PTPRK: variants seen among roughly 807,000 people sequenced by gnomAD.
PTPRK encodes the protein protein tyrosine phosphatase receptor type K, also known as receptor-type tyrosine-protein phosphatase kappa.
A neutral mutation model predicts 178.0 loss-of-function variants in PTPRK; 75 were observed. The ratio of observed to expected loss-of-function variants is 0.42; its 90% confidence interval spans 0.35 to 0.51. PTPRK has a LOEUF of 0.51. Among genes scored for constraint, PTPRK ranks in the 20% least tolerant of loss-of-function variants. The probability of loss-of-function intolerance (pLI) is 0.02; values close to 1 mark genes in which losing one functional copy is unlikely to be tolerated. For missense variants in PTPRK, 1,441 were observed against 1,797.8 expected (o/e 0.80, Z 3.59); for synonymous variants, 637 against 620.6 (o/e 1.03, Z -0.39).
chr6:128,197,266 C>T (rs536184015), intron 6 of PTPRK, among the ~76,000 whole-genome samples: 2 of 146,470 alleles, frequency 1.4e-5, no homozygotes, highest in Non-Finnish European at 3.0e-5. Flanking sequence ...CATAGGTATA[C>T]ATGTGCCACG....
Position 128,515,733 on chromosome 6 carries a change from TTTTGTC to T in PTPRK, c.100+4520_100+4525del, listed in dbSNP as rs796556433. Among the ~76,000 whole-genome samples, 4 of 152,274 alleles carry T rather than the reference TTTTGTC, an allele frequency of 2.6e-5. No individual in the cohort carries two copies. The South Asian group carries it at 8.3e-4, about 32-fold the overall frequency. ...ACACACAGAATCCCTGTGTTCTTTG[TTTTGTC>T]TTTAAGAACAATCTGTAAACTTTCT... On this transcript the variant is annotated intron_variant, in intron 1 of 29. Transcript: ENST00000368226.
At chr6:128,377,721 G>GA (rs1334447106) in intron 2 of PTPRK, among the ~76,000 whole-genome samples, 81 of 144,842 alleles carry the variant, frequency 5.6e-4, no homozygotes, top group Middle Eastern at 7.1e-3. Flanking sequence ...AAAAAAAAAA[G>GA]AAAAAAAACC....
chr6:128,449,462 G>T (rs1251124472), intron 1 of PTPRK, among the ~76,000 whole-genome samples: 1 of 151,892 alleles, frequency 6.6e-6, no homozygotes, highest in African/African-American at 2.4e-5. Context: ...TTTTTCCAGG[G>T]CTCTACCTCA....
At chr6:128,141,244 A>G (rs540929292) in intron 7 of PTPRK, among the ~76,000 whole-genome samples, 3 of 152,088 alleles carry the variant, frequency 2.0e-5, no homozygotes, top group Admixed American at 6.6e-5. Flanking sequence ...ATTCTGCTAT[A>G]GTAATACAAA....
intron 1 of PTPRK, among the ~76,000 whole-genome samples, chr6:128,483,053 A>G (rs1005112826): frequency 1.1e-4 from 17 of 152,184 alleles, no homozygotes; most frequent in Non-Finnish European, 2.1e-4. Context: ...TGTCTCTTAA[A>G]TATTTAGACA....
intron 1 of PTPRK, among the ~76,000 whole-genome samples, chr6:128,457,640 T>C (rs572007106): frequency 6.6e-6 from 1 of 152,260 alleles, no homozygotes; most frequent in South Asian, 2.1e-4. Flanking sequence ...CTTTTCTGCA[T>C]CCTCCACAAT....
chr6:128,326,187 A>G (rs1353744031), intron 2 of PTPRK, among the ~76,000 whole-genome samples: 1 of 152,112 alleles, frequency 6.6e-6, no homozygotes, highest in Non-Finnish European at 1.5e-5. Flanking sequence ...GAGGGAGAGC[A>G]TAAGGAGAAA....
At chr6:128,370,441 A>G (rs900408483) in intron 2 of PTPRK, among the ~76,000 whole-genome samples, 1 of 152,144 alleles carries the variant, frequency 6.6e-6, no homozygotes, top group Non-Finnish European at 1.5e-5. Context: ...CCTAAATAAA[A>G]TATTTCTCCT....
intron 3 of PTPRK, chr6:128,321,132 A>T (rs1828727459): frequency 6.6e-6 from 1 of 152,202 alleles, no homozygotes; most frequent in Non-Finnish European, 1.5e-5. Context: ...GGCAGAAATA[A>T]AACTATTAGT....
chr6:128,454,164 T>C (rs1328323890), intron 1 of PTPRK, among the ~76,000 whole-genome samples: 3 of 152,156 alleles, frequency 2.0e-5, no homozygotes, highest in African/African-American at 7.2e-5. Context: ...ACAGCTTCTA[T>C]GAACCACAAA....
chr6:128,495,326 T>G (rs563919045), intron 1 of PTPRK, among the ~76,000 whole-genome samples: 1 of 152,320 alleles, frequency 6.6e-6, no homozygotes, highest in East Asian at 1.9e-4. Flanking sequence ...CTTTAAATCT[T>G]AATAAGAGAC....
chr6:128,033,653 C>A (rs1775721325), intron 13 of PTPRK, among the ~76,000 whole-genome samples: 1 of 152,098 alleles, frequency 6.6e-6, no homozygotes. Flanking sequence ...GAGAGGATTG[C>A]TTGAGCCCAG....
intron 3 of PTPRK, among the ~76,000 whole-genome samples, chr6:128,294,411 A>T (rs935721067): frequency 6.6e-6 from 1 of 152,024 alleles, no homozygotes; most frequent in Non-Finnish European, 1.5e-5. Context: ...TGAAGTAGAA[A>T]TGCTGTTTCA....
chr6:128,437,590 A>G (rs907895375), intron 1 of PTPRK, among the ~76,000 whole-genome samples: 11 of 152,338 alleles, frequency 7.2e-5, no homozygotes, highest in African/African-American at 2.4e-4. Flanking sequence ...TTTTTAAACA[A>G]ACAGGTCGAC....
chr6:128,415,959 T>C lies in PTPRK; in HGVS notation c.101-18271A>G, dbSNP rs544506458. On this transcript the variant is annotated intron_variant, in intron 1 of 29. Transcript: ENST00000368226. The stretch of plus-strand genomic sequence containing the variant: ...GCTGATAATATATTTGTAGGTGACA[T>C]CAGAGCTCACTAAACCTAGTTAACA... Among the ~76,000 whole-genome samples the C allele has an allele frequency of 3.9e-5, 6 of 152,266 alleles. 1 individual carries two copies. In the South Asian group the frequency reaches 1.0e-3, roughly 26 times the overall value.
At chr6:128,067,436 G>T (rs1363272496) in intron 12 of PTPRK, 83 bp downstream of exon 12, 14 of 1,274,952 alleles carry the variant, frequency 1.1e-5, no homozygotes, top group South Asian at 4.3e-5. Flanking sequence ...TTTTTTTCTT[G>T]ACGGATGCTA....
intron 18 of PTPRK, among the ~76,000 whole-genome samples, chr6:127,994,438 C>A (rs1776922615): frequency 6.6e-6 from 1 of 151,648 alleles, no homozygotes; most frequent in African/African-American, 2.4e-5. Context: ...AGGCATTGGG[C>A]AAAATGCTCA....
intron 7 of PTPRK, among the ~76,000 whole-genome samples, chr6:128,090,225 C>G (rs1395623211): frequency 6.6e-6 from 1 of 152,156 alleles, no homozygotes; most frequent in Non-Finnish European, 1.5e-5. Flanking sequence ...CCACGGTACT[C>G]AGGAACTTGG....
Position 128,089,677 on chromosome 6 carries a change from AGT to A in PTPRK, c.1465+11_1465+12del. 1 of 1,590,826 alleles carries A rather than the reference AGT, an allele frequency of 6.3e-7. No individual in the cohort carries two copies. The highest frequency in any genetic ancestry group is 1.1e-5 in the South Asian group (1 of 90,640). On this transcript the variant is annotated intron_variant, in intron 8 of 29. Coordinates refer to ENST00000368226, the MANE Select transcript of PTPRK (RefSeq NM_002844.4). Reference sequence around the variant, plus strand: ...AGAATTCCCCCCTTTTAAACAGCAAAGTATGAGCATACCATCTTCATCAGTTT... The same window carrying A: ...AGAATTCCCCCCTTTTAAACAGCAAAATGAGCATACCATCTTCATCAGTTT...
Sources: allele counts gnomAD v4.1 joint callset (sites outside exome capture counted in the v4.1 genomes callset), GRCh38; gene constraint gnomAD v4.1.1; transcripts MANE v1.5; gene names NCBI Gene and HGNC (gene_info 2026-07-23, HGNC 2026-07-21).